The following BICC1 variants were observed in gnomAD, a reference collection of about 807,000 sequenced individuals.
BICC1 encodes protein bicaudal C homolog 1.
BICC1 carries 43 observed loss-of-function variants against 111.0 expected under a neutral mutation model. The observed-to-expected ratio is 0.39, with a 90% CI of 0.30 to 0.50. The LOEUF (loss-of-function observed/expected upper bound fraction) is 0.50, where lower values mean the gene tolerates loss of function less well. BICC1 is among the 20% of genes least tolerant of loss of function. The pLI is 0.88. For missense variants in BICC1, 1,091 were observed against 1,203.2 expected, an observed-to-expected ratio of 0.91 and a Z score of 1.38; for synonymous variants, 467 against 434.4, an observed-to-expected ratio of 1.07 and a Z score of -0.93.
chr10:58,550,192 C>G (rs891831194), intron 1 of BICC1, among the ~76,000 whole-genome samples: 1 of 151,946 alleles, frequency 6.6e-6, no homozygotes, highest in East Asian at 1.9e-4. Flanking sequence ...ATTTTATTTT[C>G]AAATATTTTT....
At chr10:58,723,693 A>G (rs1841010191) in intron 3 of BICC1, among the ~76,000 whole-genome samples, 1 of 152,130 alleles carries the variant, frequency 6.6e-6, no homozygotes, top group Middle Eastern at 3.2e-3. Flanking sequence ...TAAGCTAGAA[A>G]ACTTATTATG....
intron 3 of BICC1, among the ~76,000 whole-genome samples, chr10:58,713,184 G>A (rs528078445): frequency 1.9e-4 from 29 of 152,234 alleles, no homozygotes; most frequent in Non-Finnish European, 2.2e-4. Context: ...ACCAGGTGGC[G>A]ACTGGACTGG....
intron 3 of BICC1, among the ~76,000 whole-genome samples, chr10:58,760,783 T>C (rs983880773): frequency 4.6e-5 from 7 of 152,124 alleles, no homozygotes; most frequent in African/African-American, 1.4e-4. Flanking sequence ...AGCTGGCTTT[T>C]TCTAATGGGA....
chr10:58,581,196 G>A (rs969977530), intron 1 of BICC1, among the ~76,000 whole-genome samples: 13 of 152,118 alleles, frequency 8.5e-5, no homozygotes, highest in Admixed American at 6.6e-4. Flanking sequence ...TACTACTCCT[G>A]AAGGAATTAT....
At position 58,828,845 on chromosome 10, in the gene BICC1, C is replaced by T. The variant is rs1157980682; in HGVS notation, c.2879C>T (p.Pro960Leu). ...GAAGGTGGAGCGAGTGGAAGGCTAC[C>T]CCGTCAGTATCACTCAGACATTGCT... Reference protein sequence around the residue: ...FLEGGASGRLPRQYHSDIASV... With the variant: ...FLEGGASGRLLRQYHSDIASV... The change falls in exon 21 of 21, where the codon CCC (proline) becomes CTC (leucine). Residue 960 changes from proline to leucine, a missense_variant. By Grantham distance (98) the Pro-to-Leu change is moderately conservative. This residue lies in a region of BICC1 where 231 missense variants were observed against 256.2 expected (regional missense o/e 0.90). Transcript: ENST00000373886. 1 of 1,613,970 alleles carries T rather than the reference C, an allele frequency of 6.2e-7. No homozygotes were observed. The highest frequency in any genetic ancestry group is 1.1e-5 in the South Asian group (1 of 91,078).
chr10:58,542,754 C>T (rs1279958894), intron 1 of BICC1, among the ~76,000 whole-genome samples: 6 of 151,756 alleles, frequency 4.0e-5, no homozygotes, highest in African/African-American at 7.3e-5. Flanking sequence ...ATATAAACAT[C>T]GGCATGAAAA....
intron 20 of BICC1, among the ~76,000 whole-genome samples, chr10:58,824,742 C>T (rs1844347982): frequency 6.6e-6 from 1 of 152,148 alleles, no homozygotes; most frequent in Non-Finnish European, 1.5e-5. Flanking sequence ...CTCAAAGAGA[C>T]AACTTTAAGC....
intron 3 of BICC1, among the ~76,000 whole-genome samples, chr10:58,767,510 T>C (rs1158227166): frequency 6.6e-6 from 1 of 152,026 alleles, no homozygotes; most frequent in Non-Finnish European, 1.5e-5. Flanking sequence ...ACACAGGACT[T>C]CACAGAACAC....
chr10:58,542,149 TCAAAAAAAAAAAAAAAA>T (rs1441215730), intron 1 of BICC1, among the ~76,000 whole-genome samples: 5 of 30,782 alleles, frequency 1.6e-4, no homozygotes, highest in Admixed American at 6.1e-4. Context: ...AGACCCTGTC[TCAAAAAAAAAAAAAAAA>T]CAAAAAAAAA....
intron 1 of BICC1, among the ~76,000 whole-genome samples, chr10:58,534,580 TAAA>T (rs1395510131): frequency 1.3e-5 from 2 of 150,906 alleles, no homozygotes; most frequent in Non-Finnish European, 3.0e-5. Flanking sequence ...ATAAAAGAAA[TAAA>T]AACCCCAGTT....
At position 58,711,797 on chromosome 10, in the gene BICC1, TTTTTTTTTTTG is replaced by T. The variant is rs1438941759; in HGVS notation, c.307+9665_307+9675del. ...CTAAATAAGCAAATATATCTGGTAGTTTTTTTTTTTGTTTTTTTTTTTTAAAGATATTTTCC... is the reference window on the plus strand; with the variant it reads ...CTAAATAAGCAAATATATCTGGTAGTTTTTTTTTTTTTAAAGATATTTTCC... On this transcript the variant is annotated intron_variant, in intron 3 of 20. Transcript: ENST00000373886. 3.4e-4 allele frequency among the ~76,000 whole-genome samples: 26 copies of T among 76,608 alleles called. No individual in the cohort carries two copies. The East Asian group carries it at 5.6e-3, about 16-fold the overall frequency. The allele number at this position is 76,608 out of a possible 152,430, so 50.3% of individuals were successfully genotyped here.
intron 1 of BICC1, among the ~76,000 whole-genome samples, chr10:58,620,185 A>C (rs567369006): frequency 7.9e-4 from 121 of 152,268 alleles, no homozygotes; most frequent in African/African-American, 2.9e-3. Flanking sequence ...TAGTCACAAG[A>C]CTTATGAACA....
chr10:58,630,343 A>AG (rs1369533912), intron 2 of BICC1, among the ~76,000 whole-genome samples: 2 of 152,076 alleles, frequency 1.3e-5, no homozygotes, highest in Admixed American at 6.6e-5. Context: ...CAGAAGACAG[A>AG]GGGGGAAAAA....
chr10:58,631,924 A>G (rs1032337139), intron 2 of BICC1, among the ~76,000 whole-genome samples: 1 of 152,188 alleles, frequency 6.6e-6, no homozygotes. Flanking sequence ...GCATTTGTAA[A>G]ACAATGATTC....
chr10:58,788,870 GA>G (rs1367206981), intron 6 of BICC1, among the ~76,000 whole-genome samples: 1 of 152,162 alleles, frequency 6.6e-6, no homozygotes, highest in Non-Finnish European at 1.5e-5. Context: ...AGGATCACTT[GA>G]GGCCTGGAGT....
chr10:58,544,969 G>GAA (rs1554804345), intron 1 of BICC1, among the ~76,000 whole-genome samples: 1 of 152,048 alleles, frequency 6.6e-6, no homozygotes, highest in Non-Finnish European at 1.5e-5. Flanking sequence ...GAGACACAGA[G>GAA]AAAAGACAGC....
chr10:58,817,587 T>C lies in BICC1; in HGVS notation c.2559T>C (p.Asn853=). Residue 853 remains asparagine, a synonymous_variant, in exon 19 of 21, where the codon AAT becomes AAC. Coordinates refer to ENST00000373886, the MANE Select transcript of BICC1 (RefSeq NM_001080512.3). ...CGGAACACTATCTCAGCAGTAGCAA[T>C]TACATGGACTGCATTTCCTCGCTGA... ...KSTEHYLSSS[N]YMDCISSLTG... 1.2e-6 allele frequency: 2 copies of C among 1,613,534 alleles called. No individual in the cohort carries two copies. The highest frequency in any genetic ancestry group is 2.2e-5 in the East Asian group (1 of 44,850).
chr10:58,828,699 T>C (rs1416728214), intron 20 of BICC1, 62 bp from the exon 21 acceptor site: 2 of 1,534,262 alleles, frequency 1.3e-6, no homozygotes, highest in Non-Finnish European at 1.8e-6. Context: ...TCTAGTGCCA[T>C]GTCCTGTAGT....
At chr10:58,562,237 A>G (rs1649051) in intron 1 of BICC1, among the ~76,000 whole-genome samples, 69,869 of 151,894 alleles carry the variant, frequency 0.46, 17,128 homozygotes, top group Admixed American at 0.62. Flanking sequence ...ATAATGCGAA[A>G]ATATGTTCAC....
Sources: allele counts gnomAD v4.1 joint callset (sites outside exome capture counted in the v4.1 genomes callset), GRCh38; gene constraint gnomAD v4.1.1; regional missense constraint gnomAD v4.1.1; transcripts MANE v1.5; gene names NCBI Gene and HGNC (gene_info 2026-07-23, HGNC 2026-07-21).